The following MTMR7 variants were observed in gnomAD, a reference collection of about 807,000 sequenced individuals.
The protein encoded by MTMR7 is phosphatidylinositol-3-phosphate phosphatase MTMR7.
In MTMR7, 76 loss-of-function variants were observed where a neutral mutation model predicts 81.2. The observed-to-expected ratio is 0.94, with a 90% CI of 0.78 to 1.13. MTMR7 has a LOEUF of 1.13. Among genes scored for constraint, MTMR7 ranks in the 50% most tolerant of loss-of-function variants. The pLI, the probability that MTMR7 is intolerant of heterozygous loss-of-function variation, is 0.00. For synonymous variants in MTMR7, 372 were observed against 289.8 expected (o/e 1.28, Z -2.88); for missense variants, 1,044 against 820.0 (o/e 1.27, Z -3.34).
At chr8:17,370,739 G>T (rs1820392930) in intron 3 of MTMR7, among the ~76,000 whole-genome samples, 1 of 151,830 alleles carries the variant, frequency 6.6e-6, no homozygotes, top group African/African-American at 2.4e-5. Context: ...CACAATATAA[G>T]AAGTGCATAA....
At chr8:17,404,674 T>A (rs1196605403) in intron 1 of MTMR7, among the ~76,000 whole-genome samples, 1 of 152,020 alleles carries the variant, frequency 6.6e-6, no homozygotes, top group East Asian at 1.9e-4. Context: ...ACAAACAGCA[T>A]CAAAAATCTT....
rs575953569 is a variant in MTMR7, at chr8:17,405,414, T to C, written c.24+7855A>G. Among the ~76,000 whole-genome samples, 32 of 152,248 alleles carry C rather than the reference T, an allele frequency of 2.1e-4. 1 individual carries two copies. The South Asian group carries it at 6.4e-3, about 31-fold the overall frequency. ...TCCCCCTCCCAAGTCTAAGGGGCAA[T>C]ATGGAGCAGTCCATATGGATGCTGC... On this transcript the variant is annotated intron_variant, in intron 1 of 13. Transcript: ENST00000180173.
At chr8:17,303,468 T>C (rs1273688680) in intron 12 of MTMR7, among the ~76,000 whole-genome samples, 4 of 152,312 alleles carry the variant, frequency 2.6e-5, no homozygotes, top group South Asian at 4.1e-4. Context: ...CATGAGTCTT[T>C]TGATGTTGCT....
At position 17,331,269 on chromosome 8, in the gene MTMR7, G is replaced by T; in HGVS notation, c.746C>A (p.Ala249Glu). The change falls in exon 7 of 14, where the codon GCA becomes GAA. Residue 249 changes from alanine (A) to glutamate (E), a missense_variant. By Grantham distance (107) the Ala-to-Glu change is moderately radical (BLOSUM62 -1). Coordinates refer to ENST00000180173, the MANE Select transcript of MTMR7 (RefSeq NM_004686.5). Reference sequence around the variant, plus strand: ...ATAGCCTTTCCCTGCAGCACGATTTGCCATTGCATTAAGCTGCAGTGGTCA... The same window carrying T: ...ATAGCCTTTCCCTGCAGCACGATTTTCCATTGCATTAAGCTGCAGTGGTCA... ...VDTRPKLNAM[A>E]NRAAGKGYEN... 1 of 1,607,048 alleles carries T rather than the reference G, an allele frequency of 6.2e-7. No individual in the cohort carries two copies. Among genetic ancestry groups the T allele is most frequent in the Admixed American group, 1.7e-5 (1 of 58,002 alleles).
chr8:17,412,072 T>C (rs900374987), intron 1 of MTMR7, among the ~76,000 whole-genome samples: 7 of 152,236 alleles, frequency 4.6e-5, no homozygotes, highest in Non-Finnish European at 1.0e-4. Flanking sequence ...AATTTCATGA[T>C]TGTGAAGCGA....
At chr8:17,349,195 A>C in intron 4 of MTMR7, 114 bp from the exon 5 acceptor site, 1 of 1,284,260 alleles carries the variant, frequency 7.8e-7, no homozygotes, top group Non-Finnish European at 1.1e-6. Context: ...TCCCTTAACC[A>C]TGTTACAGAG....
intron 1 of MTMR7, among the ~76,000 whole-genome samples, chr8:17,380,991 G>C (rs933287883): frequency 6.6e-6 from 1 of 152,080 alleles, no homozygotes; most frequent in African/African-American, 2.4e-5. Context: ...GGTATTCTCA[G>C]AACTAATGAA....
In MTMR7 at chr8:17,320,836, T is replaced by G. The variant is rs1818351079; in HGVS notation, c.866-7435A>C. Among the ~76,000 whole-genome samples the G allele has an allele frequency of 2.0e-5, 3 of 152,124 alleles. No homozygotes were observed. The South Asian group carries it at 6.2e-4, about 31-fold the overall frequency. ...GCAAATTCCAGCACCCTCCATGAGC[T>G]CTCACCACTCCCTGGGCGCCTGCTG... On this transcript the variant is annotated intron_variant, in intron 7 of 13. Transcript: ENST00000180173.
At chr8:17,403,584 T>C (rs1000392823) in intron 1 of MTMR7, among the ~76,000 whole-genome samples, 1 of 152,226 alleles carries the variant, frequency 6.6e-6, no homozygotes, top group Non-Finnish European at 1.5e-5. Flanking sequence ...TATGTAACTT[T>C]TATGATTTTT....
intron 8 of MTMR7, 138 bp from the exon 9 acceptor site, chr8:17,311,774 G>T (rs531959606): frequency 2.9e-6 from 4 of 1,363,980 alleles, no homozygotes; most frequent in Non-Finnish European, 4.0e-6. Flanking sequence ...TCTGTTTAGG[G>T]CCCCCCCTAA....
At chr8:17,405,942 G>A (rs544628153) in intron 1 of MTMR7, among the ~76,000 whole-genome samples, 4 of 151,482 alleles carry the variant, frequency 2.6e-5, no homozygotes, top group African/African-American at 9.7e-5. Context: ...AAAGAAAAAT[G>A]TTAATATATA....
In MTMR7 at chr8:17,302,711, C is replaced by CT. The variant is rs1554504088; in HGVS notation, c.1494-432_1494-431insA. Among the ~76,000 whole-genome samples, 8 of 68,732 alleles carry CT rather than the reference C, an allele frequency of 1.2e-4. 1 individual carries two copies. The highest frequency in any genetic ancestry group is 2.7e-4 in the African/African-American group (7 of 25,904). The allele number at this position is 68,732 out of a possible 152,430, so 45.1% of individuals were successfully genotyped here. A position where few individuals can be genotyped will look rare whatever the true frequency, so the allele number is the denominator to read the frequency against. ...CATTTGCATTGGCAATAACCCCCCC[C>CT]CCCCCGCTTTTTTTTTTAATGGCAG... On this transcript the variant is annotated intron_variant, in intron 12 of 13. Coordinates refer to ENST00000180173, the MANE Select transcript of MTMR7 (RefSeq NM_004686.5).
intron 7 of MTMR7, among the ~76,000 whole-genome samples, chr8:17,322,287 G>A (rs541593898): frequency 5.9e-5 from 9 of 152,188 alleles, no homozygotes; most frequent in South Asian, 2.1e-4. Context: ...CTGTACGAGC[G>A]AAGTGTTTAG....
intron 4 of MTMR7, among the ~76,000 whole-genome samples, chr8:17,355,029 G>T (rs561224720): frequency 6.6e-6 from 1 of 152,258 alleles, no homozygotes; most frequent in African/African-American, 2.4e-5. Context: ...CTCATGTTTT[G>T]CAGGCTGTGC....
intron 1 of MTMR7, among the ~76,000 whole-genome samples, chr8:17,381,893 G>C (rs1054140607): frequency 6.6e-6 from 1 of 152,166 alleles, no homozygotes; most frequent in Admixed American, 6.5e-5. Flanking sequence ...TCTGGTTCTG[G>C]TTCTGAAATT....
Position 17,366,841 on chromosome 8 carries a change from G to A in MTMR7, c.310+4196C>T, listed in dbSNP as rs530258602. 3.4e-3 allele frequency among the ~76,000 whole-genome samples: 483 copies of A among 142,226 alleles called. 2 individuals are homozygous for A. Among genetic ancestry groups the A allele is most frequent in the Non-Finnish European group, 5.1e-3 (340 of 66,938 alleles). The allele number at this position is 142,226 out of a possible 152,430, so 93.3% of individuals were successfully genotyped here. On this transcript the variant is annotated intron_variant, in intron 3 of 13. Transcript: ENST00000180173. ...GTGGAGCTTGCAGTGAGCCGAGATC[G>A]AGCCACTGCACTCCAGCCTGGATGA... is the stretch of plus-strand genomic sequence containing the variant.
intron 9 of MTMR7, 126 bp from the exon 10 acceptor site, chr8:17,309,452 G>C: frequency 7.3e-6 from 5 of 688,590 alleles, no homozygotes; most frequent in Admixed American, 2.6e-5. Flanking sequence ...ACCTGCAAAT[G>C]CATGAACAGG....
intron 1 of MTMR7, among the ~76,000 whole-genome samples, chr8:17,385,340 C>T (rs957477029): frequency 5.3e-5 from 8 of 152,080 alleles, no homozygotes; most frequent in African/African-American, 1.9e-4. Context: ...TTGTAGCTCT[C>T]CCAATCCCCG....
chr8:17,310,713 G>A (rs1817736516), intron 9 of MTMR7, among the ~76,000 whole-genome samples: 1 of 152,192 alleles, frequency 6.6e-6, no homozygotes, highest in African/African-American at 2.4e-5. Context: ...CTTCGCTCTT[G>A]TCCGAGGGTG....
Sources: allele counts gnomAD v4.1 joint callset (sites outside exome capture counted in the v4.1 genomes callset), GRCh38; gene constraint gnomAD v4.1.1; transcripts MANE v1.5; gene names NCBI Gene and HGNC (gene_info 2026-07-23, HGNC 2026-07-21).